ZFPM1: variants seen among roughly 807,000 people sequenced by gnomAD.
The protein encoded by ZFPM1 is zinc finger protein, FOG family member 1.
A neutral mutation model predicts 46.3 loss-of-function variants in ZFPM1; 28 were observed. That is an observed-to-expected ratio of 0.60 (90% confidence interval 0.45 to 0.83). The LOEUF (loss-of-function observed/expected upper bound fraction) is 0.83. Among genes scored for constraint, ZFPM1 ranks in the 40% least tolerant of loss-of-function variants. ZFPM1 has a pLI of 0.00. For missense variants in ZFPM1, 1,878 were observed against 1,432.4 expected (o/e 1.31, Z -5.02); for synonymous variants, 957 against 675.9 (o/e 1.42, Z -6.45).
At chr16:88,507,411 T>C (rs902669448) in intron 3 of ZFPM1, among the ~76,000 whole-genome samples, 6 of 152,096 alleles carry the variant, frequency 3.9e-5, no homozygotes, top group Non-Finnish European at 8.8e-5. Flanking sequence ...CTGGGTCCCT[T>C]TATGTTTCTT....
intron 1 of ZFPM1, among the ~76,000 whole-genome samples, chr16:88,456,644 C>T (rs1272906436): frequency 1.3e-5 from 2 of 152,180 alleles, no homozygotes. Flanking sequence ...GGGCTGGCCT[C>T]AGTTTTCCAC....
intron 1 of ZFPM1, among the ~76,000 whole-genome samples, chr16:88,467,817 C>T (rs1908207029): frequency 1.3e-5 from 2 of 152,090 alleles, no homozygotes; most frequent in African/African-American, 2.4e-5. Context: ...ACTCTACCAC[C>T]CTACAACGAA....
chr16:88,486,039 C>A lies in ZFPM1; in HGVS notation c.141C>A (p.Ser47Arg), dbSNP rs538681850. ...CACCTGAAGCCCCGAGCCCTCCCAG[C>A]GCAGGTGAGTCAGACTGAGCCCTCT... ...ATAPEAPSPP[S>R]ADVNSPPPLP... The change falls in exon 2 of 10, where the codon AGC becomes AGA. Residue 47 changes from serine to arginine, a missense_variant. Physicochemically the swap from Ser to Arg is moderately radical, Grantham distance 110. Coordinates refer to ENST00000319555, the MANE Select transcript of ZFPM1 (RefSeq NM_153813.3). The A allele has an allele frequency of 1.2e-6, 2 of 1,611,380 alleles. No individual in the cohort carries two copies. Among genetic ancestry groups the A allele is most frequent in the Admixed American group, 1.7e-5 (1 of 59,800 alleles).
rs1403933246 is a variant in ZFPM1 at position 88,534,228 on chromosome 16, C to A, written c.2270C>A (p.Pro757His). 26 of 985,532 alleles carry A rather than the reference C, an allele frequency of 2.6e-5. No individual in the cohort carries two copies. In the South Asian group the frequency reaches 4.5e-4, roughly 17 times the overall value. The allele number at this position is 985,532 out of a possible 1,614,324, so 61.0% of individuals were successfully genotyped here. ...YELHAAGAPPPPPPGHAPAPE... is the reference protein window; with the variant it reads ...YELHAAGAPPHPPPGHAPAPE... ...CTGCACGCGGCCGGCGCCCCGCCCC[C>A]CCCGCCGCCCGGCCACGCCCCCGCG... is the stretch of plus-strand genomic sequence containing the variant. Residue 757 changes from proline to histidine, a missense_variant, in exon 10 of 10, where the codon CCC becomes CAC. Pro to His is a moderately conservative substitution (Grantham distance 77). Coordinates refer to ENST00000319555, the MANE Select transcript of ZFPM1 (RefSeq NM_153813.3).
intron 6 of ZFPM1, 33 bp from the exon 7 acceptor site, chr16:88,531,969 T>G: frequency 6.4e-7 from 1 of 1,559,222 alleles, no homozygotes; most frequent in Non-Finnish European, 8.7e-7. Flanking sequence ...AGGCTGGCCT[T>G]CAGCCTGACC....
intron 3 of ZFPM1, 96 bp downstream of exon 3, chr16:88,489,249 C>A (rs911185451): frequency 1.4e-5 from 20 of 1,468,696 alleles, no homozygotes; most frequent in Non-Finnish European, 1.8e-5. Flanking sequence ...GGCAGGTGTG[C>A]AGGTTGCTGG....
At chr16:88,455,294 G>T (rs940349530) in intron 1 of ZFPM1, among the ~76,000 whole-genome samples, 1 of 152,162 alleles carries the variant, frequency 6.6e-6, no homozygotes, top group African/African-American at 2.4e-5. Context: ...GCCCAGCGGG[G>T]CGGGCAGAGC....
chr16:88,460,513 G>A (rs945147154), intron 1 of ZFPM1, among the ~76,000 whole-genome samples: 4 of 152,228 alleles, frequency 2.6e-5, no homozygotes, highest in South Asian at 2.1e-4. Flanking sequence ...GCCCTGGTGC[G>A]AGGAAGAAAC....
At chr16:88,510,144 C>T (rs1201184932) in intron 3 of ZFPM1, among the ~76,000 whole-genome samples, 2 of 152,168 alleles carry the variant, frequency 1.3e-5, no homozygotes, top group African/African-American at 2.4e-5. Context: ...CCCGAGGGAA[C>T]GTCATGCTGG....
intron 3 of ZFPM1, among the ~76,000 whole-genome samples, chr16:88,490,962 TGGGGAGCAGGCCCAGGACACAC>T (rs1909531781): frequency 6.6e-6 from 1 of 151,552 alleles, no homozygotes; most frequent in African/African-American, 2.4e-5. Flanking sequence ...GGACACCAGG[TGGGGAGCAGGCCCAGGACACAC>T]CTGTCGGGGG....
In ZFPM1 at chr16:88,514,365, T is replaced by C. The variant is rs758905600; in HGVS notation, c.269-22T>C. Reference sequence around the variant, plus strand: ...CAGGCCCCAGACCGGGCACGCCTCATGCCTGCGATGTCTCTCTGCAGACGA... The same window carrying C: ...CAGGCCCCAGACCGGGCACGCCTCACGCCTGCGATGTCTCTCTGCAGACGA... On this transcript the variant is annotated intron_variant, in intron 3 of 9. Transcript: ENST00000319555. 2.2e-5 allele frequency: 34 copies of C among 1,560,360 alleles called. No homozygotes were observed. The Admixed American group carries it at 6.5e-4, about 30-fold the overall frequency.
intron 3 of ZFPM1, among the ~76,000 whole-genome samples, chr16:88,494,152 G>C (rs1035578233): frequency 1.3e-5 from 2 of 152,102 alleles, no homozygotes; most frequent in African/African-American, 2.4e-5. Context: ...CGGCTGCCCC[G>C]GGGCGGCCTG....
intron 3 of ZFPM1, among the ~76,000 whole-genome samples, chr16:88,499,319 G>C (rs530187501): frequency 3.3e-5 from 5 of 152,372 alleles, no homozygotes; most frequent in Admixed American, 3.3e-4. Flanking sequence ...CACAAGCTAT[G>C]TGCCAGCCCT....
chr16:88,524,977 G>C (rs12709100), intron 4 of ZFPM1, among the ~76,000 whole-genome samples: 1 of 152,172 alleles, frequency 6.6e-6, no homozygotes. Context: ...CTGCTCACCC[G>C]TTCTGTGGCT....
At chr16:88,490,999 A>T (rs1345278115) in intron 3 of ZFPM1, among the ~76,000 whole-genome samples, 1 of 147,814 alleles carries the variant, frequency 6.8e-6, no homozygotes, top group African/African-American at 2.6e-5. Flanking sequence ...CGGGGGTCAG[A>T]CAGGCGCTGG....
At chr16:88,451,885 T>C (rs1333669394), upstream of ZFPM1, among the ~76,000 whole-genome samples, 1 of 152,060 alleles carries the variant, frequency 6.6e-6, no homozygotes, top group East Asian at 1.9e-4. Flanking sequence ...ATATCCAGTG[T>C]TGTACCCCTG....
At chr16:88,453,116 A>G (rs1168243404), upstream of ZFPM1, among the ~76,000 whole-genome samples, 32 of 139,496 alleles carry the variant, frequency 2.3e-4, no homozygotes, top group Non-Finnish European at 4.3e-4. Flanking sequence ...GCGGAGCCAG[A>G]GCAACGAAGA....
intron 3 of ZFPM1, among the ~76,000 whole-genome samples, chr16:88,493,675 G>T (rs921264177): frequency 6.6e-6 from 1 of 150,560 alleles, no homozygotes; most frequent in Admixed American, 6.6e-5. Flanking sequence ...AGCTGTCCCG[G>T]GTTGCGGAGA....
Position 88,528,123 on chromosome 16 carries a change from C to G in ZFPM1, c.597C>G (p.Gly199=). The G allele has an allele frequency of 6.3e-7, 1 of 1,594,498 alleles. No homozygotes were observed. The highest frequency in any genetic ancestry group is 1.1e-5 in the South Asian group (1 of 88,354). ...LLTAEPHSTP[G]HPVKKEPAEP... ...CGGCCGAGCCCCACAGCACCCCCGG[C>G]CACCCTGTGAAGAAGGAGCCAGCAG... is the stretch of plus-strand genomic sequence containing the variant. Residue 199 remains glycine, a synonymous_variant, in exon 6 of 10, where the codon GGC becomes GGG. Coordinates refer to ENST00000319555, the MANE Select transcript of ZFPM1 (RefSeq NM_153813.3).
Sources: gnomAD v4.1 joint callset for allele counts (sites outside exome capture counted in the v4.1 genomes callset) on GRCh38, gnomAD v4.1.1 for gene constraint, MANE v1.5 for transcripts, NCBI Gene and HGNC (gene_info 2026-07-23, HGNC 2026-07-21) for gene names.